The following CLUAP1 variants were observed in gnomAD, a reference collection of about 807,000 sequenced individuals.
The protein encoded by CLUAP1 is clusterin-associated protein 1.
In CLUAP1, 50 loss-of-function variants were observed where a neutral mutation model predicts 55.0. The ratio of observed to expected loss-of-function variants is 0.91; its 90% CI spans 0.72 to 1.15. The LOEUF (loss-of-function observed/expected upper bound fraction) is 1.15. Ranked by LOEUF, CLUAP1 falls within the 50% of genes most tolerant of loss-of-function variation. The probability of loss-of-function intolerance (pLI) is 0.00; values close to 1 mark genes in which losing one functional copy is unlikely to be tolerated. For synonymous variants in CLUAP1, 195 were observed against 175.4 expected, an observed-to-expected ratio of 1.11 and a Z score of -0.88; for missense variants, 530 against 507.6, an observed-to-expected ratio of 1.04 and a Z score of -0.42.
At chr16:3,533,242 T>A in intron 11 of CLUAP1, 2 of 1,052,102 alleles carry the variant, frequency 1.9e-6, no homozygotes, top group Non-Finnish European at 2.8e-6. Flanking sequence ...GGAGTGATGC[T>A]TCCTCTCTCC....
At chr16:3,517,621 C>G (rs748701925) in intron 6 of CLUAP1, among the ~76,000 whole-genome samples, 1 of 152,070 alleles carries the variant, frequency 6.6e-6, no homozygotes, top group Non-Finnish European at 1.5e-5. Context: ...CCGCAGAGTA[C>G]TTATTAATTA....
the CLUAP1 span, among the ~76,000 whole-genome samples, chr16:3,495,836 T>C: frequency 2.0e-5 from 3 of 152,046 alleles, no homozygotes; most frequent in Admixed American, 6.5e-5. Context: ...CTGGGGGCGG[T>C]GGCTCATGCC....
In CLUAP1 at chr16:3,504,714, G is replaced by A; in HGVS notation, c.23-6G>A. The A allele has an allele frequency of 6.6e-7, 1 of 1,515,884 alleles. No individual in the cohort carries two copies. The highest frequency in any genetic ancestry group is 9.2e-7 in the Non-Finnish European group (1 of 1,090,486). 93.9% of individuals were successfully genotyped at this position (1,515,884 alleles called of 1,614,324 possible). ...AACTGAATGAATTGTATTTTTCCTT[G>A]GACAGATTTCACAGAGATGATGAGA... On this transcript the variant is annotated splice_polypyrimidine_tract_variant and splice_region_variant and intron_variant, in intron 1 of 11. Coordinates refer to ENST00000576634, the MANE Select transcript of CLUAP1 (RefSeq NM_015041.3).
At chr16:3,497,175 G>C (rs1171545420), upstream of CLUAP1, among the ~76,000 whole-genome samples, 1 of 151,172 alleles carries the variant, frequency 6.6e-6, no homozygotes, top group Non-Finnish European at 1.5e-5. Flanking sequence ...CCAGCAACCT[G>C]ATCTTGTATG....
chr16:3,520,641 A>G (rs181727833), intron 7 of CLUAP1, among the ~76,000 whole-genome samples: 260 of 152,308 alleles, frequency 1.7e-3, no homozygotes, highest in African/African-American at 5.8e-3. Flanking sequence ...AAGTGAATCC[A>G]GACGGGGAAA....
At chr16:3,528,753 T>G (rs2037997141) in intron 9 of CLUAP1, among the ~76,000 whole-genome samples, 2 of 152,190 alleles carry the variant, frequency 1.3e-5, no homozygotes, top group African/African-American at 4.8e-5. Context: ...CCACTTTGAG[T>G]TAATTTTTGT....
chr16:3,511,953 G>A (rs968361765), intron 4 of CLUAP1, among the ~76,000 whole-genome samples: 1 of 151,962 alleles, frequency 6.6e-6, no homozygotes, highest in East Asian at 1.9e-4. Context: ...TTGGGAGGCC[G>A]AGGTGGGTGG....
intron 5 of CLUAP1, among the ~76,000 whole-genome samples, chr16:3,513,536 G>A (rs771421751): frequency 2.0e-5 from 3 of 151,960 alleles, no homozygotes; most frequent in Non-Finnish European, 2.9e-5. Flanking sequence ...TAAAACCTCC[G>A]CCTCCCAGGT....
upstream of CLUAP1, chr16:3,500,937 C>G (rs546170142): frequency 1.0e-6 from 1 of 1,002,512 alleles, no homozygotes. Context: ...GTCTTCGCTT[C>G]GCTTTTTGTT....
At chr16:3,506,458 C>G in intron 3 of CLUAP1, 43 bp downstream of exon 3, 1 of 1,454,888 alleles carries the variant, frequency 6.9e-7, no homozygotes, top group Non-Finnish European at 9.7e-7. Flanking sequence ...ATTAAATAAA[C>G]TAGAAAGGAT....
chr16:3,531,576 G>C lies in CLUAP1; in HGVS notation c.1036+901G>C, dbSNP rs532141681. On this transcript the variant is annotated intron_variant, in intron 10 of 11. Transcript: ENST00000576634. ...AGACTCAGGCAACAAAATTTGTAGA[G>C]CAAATGTGAATTCTCTCCTGGGGTC... Among the ~76,000 whole-genome samples, 17 of 152,182 alleles carry C rather than the reference G, an allele frequency of 1.1e-4. No homozygotes were observed. The South Asian group carries it at 2.1e-3, about 19-fold the overall frequency.
intron 11 of CLUAP1, chr16:3,533,612 T>A (rs2038172684): frequency 5.8e-6 from 1 of 171,298 alleles, no homozygotes. Flanking sequence ...TGAGGTCCAG[T>A]CATCAGGGCT....
rs747287103 is a variant in CLUAP1 at position 3,526,418 on chromosome 16, A to G, written c.862A>G (p.Lys288Glu). The change falls in exon 9 of 12, where the codon AAA (lysine) becomes GAA (glutamate). Residue 288 changes from lysine to glutamate, a missense_variant. Physicochemically the swap from Lys to Glu is moderately conservative, Grantham distance 56. Coordinates refer to ENST00000576634, the MANE Select transcript of CLUAP1 (RefSeq NM_015041.3). ...TGTATTTCCTCTTCCACAGGAAGCT[A>G]AAAACACTCTCTGCCTGATACAGAA... ...RMEQERFEEA[K>E]NTLCLIQNKL... The G allele has an allele frequency of 6.2e-7, 1 of 1,603,522 alleles. No homozygotes were observed. The highest frequency in any genetic ancestry group is 2.2e-5 in the East Asian group (1 of 44,546).
chr16:3,497,602 T>G (rs564143289), upstream of CLUAP1, among the ~76,000 whole-genome samples: 89 of 152,186 alleles, frequency 5.8e-4, no homozygotes, highest in African/African-American at 2.0e-3. Flanking sequence ...GAGAAAATAT[T>G]TATTAGAGGA....
At chr16:3,509,386 T>C (rs2037574268) in intron 4 of CLUAP1, among the ~76,000 whole-genome samples, 1 of 152,192 alleles carries the variant, frequency 6.6e-6, no homozygotes. Context: ...GTGGGAATCG[T>C]TGGGATCCAA....
In CLUAP1 at chr16:3,535,837, A is replaced by G. The variant is rs117449499; in HGVS notation, c.1093-285A>G. 3.3e-3 allele frequency: 1,286 copies of G among 385,890 alleles called. 39 individuals carry two copies. In the East Asian group the frequency reaches 0.057, roughly 17 times the overall value. 23.9% of individuals were successfully genotyped at this position (385,890 alleles called of 1,614,324 possible). ...GGAGTCTCTAGGTCCAGTGGCCCTC[A>G]GCGCAGATGCAGAGTGCTTCTTAGA... On this transcript the variant is annotated intron_variant, in intron 11 of 11. Transcript: ENST00000576634.
intron 4 of CLUAP1, among the ~76,000 whole-genome samples, chr16:3,511,775 C>T (rs528628253): frequency 2.8e-4 from 43 of 152,274 alleles, no homozygotes; most frequent in African/African-American, 1.0e-3. Context: ...TGATCATTTC[C>T]TGAGCGTGTG....
intron 5 of CLUAP1, among the ~76,000 whole-genome samples, chr16:3,512,933 G>T (rs1297296257): frequency 6.6e-6 from 1 of 152,186 alleles, no homozygotes; most frequent in Non-Finnish European, 1.5e-5. Flanking sequence ...GCCTGCCTTG[G>T]CCTCCCAAAG....
At position 3,536,388 on chromosome 16, in the gene CLUAP1, C is replaced by T. The variant is rs2038232728; in HGVS notation, c.*117C>T. 2 of 1,063,470 alleles carry T rather than the reference C, an allele frequency of 1.9e-6. No individual in the cohort carries two copies. The highest frequency in any genetic ancestry group is 2.4e-5 in the East Asian group (1 of 41,452). The allele number at this position is 1,063,470 out of a possible 1,614,324, so 65.9% of individuals were successfully genotyped here. A position where few individuals can be genotyped will look rare whatever the true frequency, so the allele number is the denominator to read the frequency against. On this transcript the variant is annotated 3_prime_UTR_variant, in exon 12 of 12. Transcript: ENST00000576634. ...TTACTAAGCTGGCTGGACTCATGAT[C>T]ACTGAAGCAATACTTATTTCTGCTT... is the stretch of plus-strand genomic sequence containing the variant.
Sources: gnomAD v4.1 joint callset for allele counts (sites outside exome capture counted in the v4.1 genomes callset) on GRCh38, gnomAD v4.1.1 for gene constraint, MANE v1.5 for transcripts, NCBI Gene and HGNC (gene_info 2026-07-23, HGNC 2026-07-21) for gene names.